TENM2: variants seen among roughly 807,000 people sequenced by gnomAD.
The protein encoded by TENM2 is teneurin transmembrane protein 2, also known as teneurin-2.
Under a neutral mutation model 245.2 loss-of-function variants are expected in TENM2, and 52 were observed. The observed-to-expected ratio is 0.21, with a 90% CI of 0.17 to 0.27. TENM2 has a LOEUF of 0.27. TENM2 is among the 10% of genes least tolerant of loss of function. The pLI is 1.00. For synonymous variants in TENM2, 1,363 were observed against 1,438.9 expected (o/e 0.95, Z 1.19); for missense variants, 3,046 against 3,666.8 (o/e 0.83, Z 4.37).
intron 2 of TENM2, among the ~76,000 whole-genome samples, chr5:167,759,576 G>A (rs1208974661): frequency 6.6e-6 from 1 of 152,132 alleles, no homozygotes; most frequent in Non-Finnish European, 1.5e-5. Flanking sequence ...GTATATATGA[G>A]TCACCAGAGG....
chr5:167,865,167 C>T (rs769819156), intron 2 of TENM2, among the ~76,000 whole-genome samples: 4 of 152,294 alleles, frequency 2.6e-5, no homozygotes, highest in East Asian at 1.9e-4. Context: ...CATAGTTTAA[C>T]GCCTTCATCT....
At chr5:166,993,478 C>T in the TENM2 span, among the ~76,000 whole-genome samples, 1 of 152,150 alleles carries the variant, frequency 6.6e-6, no homozygotes, top group African/African-American at 2.4e-5. Context: ...AATTCTAGAG[C>T]CAGGACCCAA....
intron 4 of TENM2, among the ~76,000 whole-genome samples, chr5:167,960,842 G>A (rs1780957350): frequency 6.6e-6 from 1 of 152,224 alleles, no homozygotes; most frequent in Non-Finnish European, 1.5e-5. Flanking sequence ...GCACCCAAGG[G>A]AATCTCCTGG....
chr5:168,052,478 A>G (rs543959843), intron 6 of TENM2, among the ~76,000 whole-genome samples: 3 of 152,246 alleles, frequency 2.0e-5, no homozygotes, highest in South Asian at 4.1e-4. Flanking sequence ...ACACACATAT[A>G]TATGTATATA....
chr5:168,124,826 GGTTTTT>G lies in TENM2; in HGVS notation c.2009-11_2009-6del, dbSNP rs1562189071. 3.2e-6 allele frequency: 5 copies of G among 1,583,850 alleles called. No homozygotes were observed. Among genetic ancestry groups the G allele is most frequent in the Middle Eastern group, 1.7e-4 (1 of 6,028 alleles). The stretch of plus-strand genomic sequence containing the variant: ...TGGGTGATTAATACTTTTATTCTTT[GGTTTTT>G]GTTTTTGTTTTTTTCAGTTGATTGC... On this transcript the variant is annotated intron_variant, in intron 10 of 28. Transcript: ENST00000518659.
chr5:167,583,846 C>T (rs1320458116), intron 2 of TENM2, among the ~76,000 whole-genome samples: 2 of 152,156 alleles, frequency 1.3e-5, no homozygotes, highest in Admixed American at 6.5e-5. Flanking sequence ...TTCCTGCTTT[C>T]CTAACTGTGG....
At chr5:167,068,877 G>A in the TENM2 span, among the ~76,000 whole-genome samples, 12 of 152,048 alleles carry the variant, frequency 7.9e-5, no homozygotes, top group Admixed American at 1.3e-4. Context: ...TCTTTTATGT[G>A]GACTTAGAAT....
intron 2 of TENM2, among the ~76,000 whole-genome samples, chr5:167,666,790 A>C (rs781644901): frequency 6.6e-6 from 1 of 152,202 alleles, no homozygotes; most frequent in Non-Finnish European, 1.5e-5. Flanking sequence ...TGCTATTTGC[A>C]CTTGATATGC....
chr5:167,307,485 A>T (rs2127747033), intron 1 of TENM2, among the ~76,000 whole-genome samples: 1 of 152,144 alleles, frequency 6.6e-6, no homozygotes, highest in African/African-American at 2.4e-5. Context: ...AACTCTCAAA[A>T]ATGCCACGAC....
At chr5:167,542,458 T>A (rs1308626380) in intron 2 of TENM2, among the ~76,000 whole-genome samples, 1 of 152,126 alleles carries the variant, frequency 6.6e-6, no homozygotes, top group Non-Finnish European at 1.5e-5. Context: ...AAGATACAGA[T>A]AACTAGATTG....
intron 2 of TENM2, among the ~76,000 whole-genome samples, chr5:167,872,486 A>G (rs563727493): frequency 3.0e-3 from 49 of 16,326 alleles, no homozygotes; most frequent in African/African-American, 4.8e-3. Flanking sequence ...AAGAAAGAAA[A>G]AGAAAGAAAG....
At chr5:167,219,701 A>G in the TENM2 span, among the ~76,000 whole-genome samples, 2 of 152,226 alleles carry the variant, frequency 1.3e-5, no homozygotes, top group Non-Finnish European at 2.9e-5. Flanking sequence ...TGAACCATGC[A>G]CCCTTTGAAA....
chr5:168,014,429 C>T (rs1785500856), intron 5 of TENM2, among the ~76,000 whole-genome samples: 1 of 152,168 alleles, frequency 6.6e-6, no homozygotes. Context: ...TGAGTCCTTG[C>T]ATTTAATTAT....
At chr5:167,703,530 C>CAAAAAAAAAAAAAAAAAAAAAAAA (rs747603141) in intron 2 of TENM2, among the ~76,000 whole-genome samples, 1 of 97,178 alleles carries the variant, frequency 1.0e-5, no homozygotes, top group African/African-American at 3.2e-5. Context: ...GAAACCATCT[C>CAAAAAAAAAAAAAAAAAAAAAAAA]AAAAAAAAAA....
intron 23 of TENM2, among the ~76,000 whole-genome samples, chr5:168,221,036 C>T (rs1423395799): frequency 6.6e-6 from 1 of 151,646 alleles, no homozygotes. Flanking sequence ...CACTTGAACT[C>T]AGGAGGTGGA....
At chr5:168,070,432 T>C (rs1790887544) in intron 7 of TENM2, among the ~76,000 whole-genome samples, 1 of 152,056 alleles carries the variant, frequency 6.6e-6, no homozygotes, top group Admixed American at 6.6e-5. Context: ...ACCATATAAA[T>C]CAAGTCAGTG....
intron 3 of TENM2, among the ~76,000 whole-genome samples, chr5:167,907,514 G>T: frequency 9.6e-6 from 1 of 104,320 alleles, no homozygotes. Flanking sequence ...ATTTTGTTTA[G>T]ATCACCCTAA....
chr5:167,390,464 C>T (rs937455243), intron 2 of TENM2, among the ~76,000 whole-genome samples: 9 of 152,138 alleles, frequency 5.9e-5, no homozygotes, highest in African/African-American at 2.2e-4. Flanking sequence ...ATTCTTAAAA[C>T]TTCCTCCATC....
chr5:167,334,508 T>C (rs11134454), intron 1 of TENM2, among the ~76,000 whole-genome samples: 68,142 of 151,792 alleles, frequency 0.45, 16,309 homozygotes, highest in Non-Finnish European at 0.55. Flanking sequence ...ATTTTCAGAC[T>C]TTTCTAGGTA....
Sources: allele counts gnomAD v4.1 joint callset (sites outside exome capture counted in the v4.1 genomes callset), GRCh38; gene constraint gnomAD v4.1.1; transcripts MANE v1.5; gene names NCBI Gene and HGNC (gene_info 2026-07-23, HGNC 2026-07-21).